Variants in BPTF observed in about 807,000 individuals in gnomAD.
BPTF encodes bromodomain PHD finger transcription factor.
A neutral mutation model predicts 292.5 loss-of-function variants in BPTF; 18 were observed. The ratio of observed to expected loss-of-function variants is 0.06; its 90% CI spans 0.04 to 0.09. The LOEUF (loss-of-function observed/expected upper bound fraction) is 0.09, where lower values mean the gene tolerates loss of function less well. BPTF is among the 10% of genes least tolerant of loss of function. The probability of loss-of-function intolerance (pLI) is 1.00; values close to 1 mark genes in which losing one functional copy is unlikely to be tolerated. For missense variants in BPTF, 2,726 were observed against 3,498.7 expected (o/e 0.78, Z 5.57); for synonymous variants, 1,225 against 1,251.9 (o/e 0.98, Z 0.45).
rs2062720618 is a variant in BPTF, at chr17:67,912,491, T to C, written c.4607T>C (p.Ile1536Thr). The change falls in exon 11 of 28, where the codon ATA (isoleucine) becomes ACA (threonine). Residue 1536 changes from isoleucine to threonine, a missense_variant. Coordinates refer to ENST00000306378, the MANE Select transcript of BPTF (RefSeq NM_182641.4). Reference protein sequence around the residue: ...NSVNQVEDMEIETSEVKKVTS... With the variant: ...NSVNQVEDMETETSEVKKVTS... ...GTTAATCAGGTAGAAGATATGGAAA[T>C]AGAAACCTCAGAAGTTAAGAAAGTT... 1 of 1,613,768 alleles carries C rather than the reference T, an allele frequency of 6.2e-7. No homozygotes were observed. The highest frequency in any genetic ancestry group is 1.1e-5 in the South Asian group (1 of 91,038).
chr17:67,851,008 A>T (rs143571344), intron 1 of BPTF, among the ~76,000 whole-genome samples: 87 of 152,302 alleles, frequency 5.7e-4, no homozygotes, highest in Middle Eastern at 3.4e-3. Flanking sequence ...TTGTAATGGA[A>T]AGAGGAGAAG....
At chr17:67,919,580 T>G (rs925069047) in intron 12 of BPTF, among the ~76,000 whole-genome samples, 5 of 152,136 alleles carry the variant, frequency 3.3e-5, no homozygotes, top group African/African-American at 9.7e-5. Flanking sequence ...TGTTGAAGTT[T>G]GGCACATGCT....
chr17:67,949,766 A>G (rs1382082297), intron 23 of BPTF, among the ~76,000 whole-genome samples: 3 of 152,050 alleles, frequency 2.0e-5, no homozygotes, highest in Non-Finnish European at 2.9e-5. Context: ...GGTTATCTCA[A>G]GCATTTCAAG....
At chr17:67,864,809 T>A (rs1427332521) in intron 2 of BPTF, among the ~76,000 whole-genome samples, 1 of 152,050 alleles carries the variant, frequency 6.6e-6, no homozygotes, top group Non-Finnish European at 1.5e-5. Context: ...TTATTTATTT[T>A]TTTGTTTATT....
intron 4 of BPTF, among the ~76,000 whole-genome samples, chr17:67,883,001 T>TA (rs886889170): frequency 0.032 from 3,062 of 94,566 alleles, 49 homozygotes; most frequent in Non-Finnish European, 0.039. Context: ...AGACGTTGTC[T>TA]AAAAAAAAAA....
chr17:67,922,221 T>A (rs2063500617), intron 13 of BPTF, among the ~76,000 whole-genome samples: 1 of 152,220 alleles, frequency 6.6e-6, no homozygotes, highest in South Asian at 2.1e-4. Context: ...CAGGTCCTGC[T>A]TTCATTTCTG....
At chr17:67,861,039 T>C (rs1270132952) in intron 2 of BPTF, among the ~76,000 whole-genome samples, 2 of 152,198 alleles carry the variant, frequency 1.3e-5, no homozygotes, top group Non-Finnish European at 2.9e-5. Context: ...CCTGGACCTG[T>C]CCGCAAGGCA....
intron 4 of BPTF, chr17:67,891,506 A>G (rs8079291): frequency 0.21 from 35,445 of 172,198 alleles, 4,631 homozygotes; most frequent in East Asian, 0.66. Context: ...ATAAGGCAAC[A>G]CTTTGTTAGT....
chr17:67,954,944 A>G (rs1312173629), intron 23 of BPTF, among the ~76,000 whole-genome samples: 2 of 152,202 alleles, frequency 1.3e-5, no homozygotes, highest in Non-Finnish European at 2.9e-5. Context: ...ACAGAAACAG[A>G]TTCATTAAAC....
At chr17:67,976,046 A>G in intron 27 of BPTF, 88 bp downstream of exon 27, 2 of 1,055,038 alleles carry the variant, frequency 1.9e-6, no homozygotes, top group Non-Finnish European at 2.6e-6. Context: ...AGTGCAGTTT[A>G]TGGTAAATTT....
intron 7 of BPTF, among the ~76,000 whole-genome samples, chr17:67,901,304 T>TAA (rs68104231): frequency 7.1e-6 from 1 of 141,158 alleles, no homozygotes; most frequent in Non-Finnish European, 1.6e-5. Flanking sequence ...GAAGAATTGT[T>TAA]AAAAAAAAAA....
intron 27 of BPTF, among the ~76,000 whole-genome samples, chr17:67,981,012 A>G (rs2148692916): frequency 6.6e-6 from 1 of 152,294 alleles, no homozygotes; most frequent in Non-Finnish European, 1.5e-5. Context: ...ACAAAAAATT[A>G]GCCGGGCATG....
chr17:67,884,551 G>A (rs553477006), intron 4 of BPTF, among the ~76,000 whole-genome samples: 3 of 151,934 alleles, frequency 2.0e-5, no homozygotes, highest in Non-Finnish European at 4.4e-5. Context: ...AAGTACGTAG[G>A]ACTAGAGGCA....
At chr17:67,888,068 G>C (rs2060858275) in intron 4 of BPTF, among the ~76,000 whole-genome samples, 1 of 152,072 alleles carries the variant, frequency 6.6e-6, no homozygotes, top group Non-Finnish European at 1.5e-5. Context: ...CAGGGACGCT[G>C]CAAATATTAT....
intron 11 of BPTF, among the ~76,000 whole-genome samples, chr17:67,915,052 A>G (rs2062892343): frequency 6.6e-6 from 1 of 152,188 alleles, no homozygotes; most frequent in South Asian, 2.1e-4. Flanking sequence ...CGTGAAATGC[A>G]TTTTTATACT....
intron 2 of BPTF, among the ~76,000 whole-genome samples, chr17:67,863,487 T>C (rs935930746): frequency 2.6e-5 from 4 of 152,186 alleles, no homozygotes; most frequent in African/African-American, 9.7e-5. Context: ...GGTTTCACCA[T>C]GTTGGCCAGG....
chr17:67,936,011 GAA>G (rs1435310156), intron 18 of BPTF, among the ~76,000 whole-genome samples: 7 of 152,256 alleles, frequency 4.6e-5, no homozygotes, highest in African/African-American at 1.7e-4. Context: ...GAAGAAATTT[GAA>G]AAGTTGCCAT....
intron 26 of BPTF, among the ~76,000 whole-genome samples, chr17:67,971,353 A>G (rs1555690761): frequency 6.6e-6 from 1 of 151,934 alleles, no homozygotes; most frequent in East Asian, 2.0e-4. Context: ...TGCTGGGATT[A>G]TAGGCGTGAG....
chr17:67,927,273 A>C (rs2063997313), intron 15 of BPTF, among the ~76,000 whole-genome samples: 2 of 152,180 alleles, frequency 1.3e-5, no homozygotes, highest in Admixed American at 1.3e-4. Flanking sequence ...ACCAGGTTTG[A>C]AATAAATTTC....
Sources: allele counts gnomAD v4.1 joint callset (sites outside exome capture counted in the v4.1 genomes callset), GRCh38; gene constraint gnomAD v4.1.1; transcripts MANE v1.5; gene names NCBI Gene and HGNC (gene_info 2026-07-23, HGNC 2026-07-21).